The following PLD5 variants were observed in gnomAD, a reference collection of about 807,000 sequenced individuals.
PLD5 encodes inactive phospholipase D5.
In PLD5, 36 loss-of-function variants were observed where a neutral mutation model predicts 61.1. That is an observed-to-expected ratio of 0.59 (90% CI 0.45 to 0.78). The LOEUF is 0.78. Ranked by LOEUF, PLD5 falls within the 30% of genes least tolerant of loss-of-function variation. PLD5 has a pLI of 0.00. For missense variants in PLD5, 515 were observed against 644.4 expected, an observed-to-expected ratio of 0.80 and a Z score of 2.17; for synonymous variants, 243 against 242.8, an observed-to-expected ratio of 1.00 and a Z score of -0.01.
rs6695174 is a variant in PLD5, at chr1:242,162,831, A to C, written c.736-38166T>G. 7.6e-3 allele frequency among the ~76,000 whole-genome samples: 1,163 copies of C among 152,300 alleles called. 19 individuals are homozygous for C. Among genetic ancestry groups the C allele is most frequent in the African/African-American group, 0.026 (1,086 of 41,520 alleles). ...CATGCCAGAATCACAAAGCATGTGCATTATTCTTAGGTTAGAAATATTTGG... is the reference window on the plus strand; with the variant it reads ...CATGCCAGAATCACAAAGCATGTGCCTTATTCTTAGGTTAGAAATATTTGG... On this transcript the variant is annotated intron_variant, in intron 5 of 9. Coordinates refer to ENST00000536534, the MANE Select transcript of PLD5 (RefSeq NM_001372062.1).
intron 5 of PLD5, among the ~76,000 whole-genome samples, chr1:242,215,963 C>G (rs984527112): frequency 9.2e-5 from 14 of 152,204 alleles, no homozygotes; most frequent in Admixed American, 3.3e-4. Context: ...ATCTGAAAAT[C>G]TGCCCTGTTA....
chr1:242,510,866 G>A (rs995150494), intron 1 of PLD5, among the ~76,000 whole-genome samples: 3 of 151,956 alleles, frequency 2.0e-5, no homozygotes, highest in Non-Finnish European at 4.4e-5. Context: ...AAGTTCAAAT[G>A]AAGATGTTTC....
At chr1:242,179,733 T>A (rs1391480750) in intron 5 of PLD5, among the ~76,000 whole-genome samples, 3 of 152,122 alleles carry the variant, frequency 2.0e-5, no homozygotes, top group Non-Finnish European at 4.4e-5. Flanking sequence ...TGAAACCCCA[T>A]CTCTACTAAA....
chr1:242,374,113 C>T (rs1230091583), intron 1 of PLD5, among the ~76,000 whole-genome samples: 1 of 152,130 alleles, frequency 6.6e-6, no homozygotes, highest in Non-Finnish European at 1.5e-5. Flanking sequence ...TGTGGAGTTG[C>T]TGTCAGGCTG....
rs1195221554 is a variant in PLD5 at position 242,182,913 on chromosome 1, G to A, written c.735+37075C>T. Among the ~76,000 whole-genome samples the A allele has an allele frequency of 2.6e-5, 4 of 152,250 alleles. No homozygotes were observed. In the East Asian group the frequency reaches 5.8e-4, roughly 22 times the overall value. On this transcript the variant is annotated intron_variant, in intron 5 of 9. Coordinates refer to ENST00000536534, the MANE Select transcript of PLD5 (RefSeq NM_001372062.1). ...TAGTACCATCTAAAGAAAAGGAATG[G>A]TGGAGGTTTGAGTTCATGTTACTGT...
chr1:242,449,362 C>G, intron 1 of PLD5: 1 of 1,536,120 alleles, frequency 6.5e-7, no homozygotes, highest in Non-Finnish European at 8.7e-7. Context: ...ACCATTGCGA[C>G]CAATCTTCCT....
intron 4 of PLD5, among the ~76,000 whole-genome samples, chr1:242,242,528 T>C (rs1201986744): frequency 2.0e-5 from 3 of 152,184 alleles, no homozygotes; most frequent in African/African-American, 7.2e-5. Flanking sequence ...TCCAATAACA[T>C]TGGCTAAAAT....
Position 242,394,356 on chromosome 1 carries a change from G to A in PLD5, c.190-46114C>T, listed in dbSNP as rs1188321003. Among the ~76,000 whole-genome samples, 57 of 91,258 alleles carry A rather than the reference G, an allele frequency of 6.2e-4. 10 individuals are homozygous for A. The highest frequency in any genetic ancestry group is 2.3e-3 in the African/African-American group (51 of 22,072). The allele number at this position is 91,258 out of a possible 152,430, so 59.9% of individuals were successfully genotyped here. On this transcript the variant is annotated intron_variant, in intron 1 of 9. Transcript: ENST00000536534. ...TATGTGTGTATATATGAGTATATAT[G>A]TGTGTATATATGAGTATATATGTGT... is the stretch of plus-strand genomic sequence containing the variant.
At chr1:242,462,027 T>C (rs1432978440) in intron 1 of PLD5, among the ~76,000 whole-genome samples, 1 of 152,212 alleles carries the variant, frequency 6.6e-6, no homozygotes, top group Non-Finnish European at 1.5e-5. Flanking sequence ...GAGCTGTATG[T>C]TTGCTCTGTT....
chr1:242,300,762 T>C (rs375865158), intron 2 of PLD5, among the ~76,000 whole-genome samples: 11,245 of 151,382 alleles, frequency 0.074, 405 homozygotes, highest in Middle Eastern at 0.12. Context: ...GGACAAGGGT[T>C]GCAGCGGGAG....
intron 4 of PLD5, among the ~76,000 whole-genome samples, chr1:242,238,427 G>T (rs929725895): frequency 2.6e-5 from 4 of 152,156 alleles, no homozygotes; most frequent in African/African-American, 7.2e-5. Context: ...ATAGACTGGG[G>T]GCTGATGATG....
chr1:242,312,164 G>T (rs1574712143), intron 2 of PLD5, among the ~76,000 whole-genome samples: 1 of 151,182 alleles, frequency 6.6e-6, no homozygotes, highest in Non-Finnish European at 1.5e-5. Flanking sequence ...TAAAGTCTTT[G>T]TCTAGTAAGT....
chr1:242,158,966 A>T (rs1363031681), intron 5 of PLD5, among the ~76,000 whole-genome samples: 1 of 152,146 alleles, frequency 6.6e-6, no homozygotes, highest in East Asian at 1.9e-4. Context: ...ACTAAAATTA[A>T]GCATCAGTTT....
chr1:242,415,158 C>A (rs1373978005), intron 1 of PLD5, among the ~76,000 whole-genome samples: 1 of 152,172 alleles, frequency 6.6e-6, no homozygotes, highest in African/African-American at 2.4e-5. Context: ...GGTAGGAACC[C>A]AAAATGGCAC....
intron 1 of PLD5, among the ~76,000 whole-genome samples, chr1:242,503,248 T>A (rs1280304543): frequency 6.6e-6 from 1 of 152,098 alleles, no homozygotes; most frequent in Non-Finnish European, 1.5e-5. Context: ...CTCAGTGCCA[T>A]CCCACTGGTG....
chr1:242,097,199 A>T (rs1660317667), intron 9 of PLD5, among the ~76,000 whole-genome samples: 1 of 152,160 alleles, frequency 6.6e-6, no homozygotes, highest in Non-Finnish European at 1.5e-5. Flanking sequence ...GAATAGTGCC[A>T]CAATAAACAT....
At chr1:242,136,519 T>C (rs1663745244) in intron 5 of PLD5, among the ~76,000 whole-genome samples, 1 of 152,186 alleles carries the variant, frequency 6.6e-6, no homozygotes, top group Non-Finnish European at 1.5e-5. Context: ...CCTCACAGTA[T>C]GGGCATGAAT....
intron 1 of PLD5, among the ~76,000 whole-genome samples, chr1:242,356,139 T>C (rs1436961308): frequency 1.7e-5 from 2 of 118,362 alleles, no homozygotes; most frequent in Non-Finnish European, 3.7e-5. Context: ...TTCTTATTGA[T>C]TTTATGTCTA....
chr1:242,304,214 A>C (rs1329697116), intron 2 of PLD5, among the ~76,000 whole-genome samples: 1 of 152,242 alleles, frequency 6.6e-6, no homozygotes, highest in Non-Finnish European at 1.5e-5. Context: ...GTTCAAAAGC[A>C]TAAGTGTCAA....
Sources: allele counts gnomAD v4.1 joint callset (sites outside exome capture counted in the v4.1 genomes callset), GRCh38; gene constraint gnomAD v4.1.1; transcripts MANE v1.5; gene names NCBI Gene and HGNC (gene_info 2026-07-23, HGNC 2026-07-21).